Variants in PDE3B observed in about 807,000 individuals in gnomAD.
PDE3B encodes phosphodiesterase 3B, also known as cGMP-inhibited 3',5'-cyclic phosphodiesterase 3B.
PDE3B carries 66 observed loss-of-function variants against 116.8 expected under a neutral mutation model. The observed-to-expected ratio is 0.56, with a 90% CI of 0.46 to 0.69. The LOEUF (loss-of-function observed/expected upper bound fraction) is 0.69. Among genes scored for constraint, PDE3B ranks in the 30% least tolerant of loss-of-function variants. PDE3B has a pLI of 0.00. For synonymous variants in PDE3B, 595 were observed against 533.6 expected (o/e 1.12, Z -1.59); for missense variants, 1,384 against 1,368.1 (o/e 1.01, Z -0.18).
intron 10 of PDE3B, among the ~76,000 whole-genome samples, chr11:14,834,239 A>G (rs1419040779): frequency 6.6e-6 from 1 of 152,214 alleles, no homozygotes; most frequent in African/African-American, 2.4e-5. Flanking sequence ...TTAAATTTTT[A>G]TTGGATATCG....
At chr11:14,841,227 C>T (rs1362860820) in intron 11 of PDE3B, among the ~76,000 whole-genome samples, 1 of 151,732 alleles carries the variant, frequency 6.6e-6, no homozygotes, top group Non-Finnish European at 1.5e-5. Flanking sequence ...GGAATATCAG[C>T]TCTTCCTTGG....
At chr11:14,861,401 G>C (rs782359845) in intron 14 of PDE3B, 35 bp downstream of exon 14, 2 of 1,590,992 alleles carry the variant, frequency 1.3e-6, no homozygotes, top group Non-Finnish European at 8.6e-7. Flanking sequence ...GGATTTTTAA[G>C]AGCTGTCATG....
intron 1 of PDE3B, among the ~76,000 whole-genome samples, chr11:14,768,849 C>T (rs565829340): frequency 6.6e-5 from 10 of 151,546 alleles, no homozygotes; most frequent in Non-Finnish European, 1.0e-4. Context: ...TTATGGACCA[C>T]ACTTTGAATA....
chr11:14,721,545 C>A (rs1856082337), intron 1 of PDE3B, among the ~76,000 whole-genome samples: 1 of 151,388 alleles, frequency 6.6e-6, no homozygotes, highest in Admixed American at 6.6e-5. Flanking sequence ...CAATGATAGA[C>A]TGGATGAAGA....
At position 14,866,544 on chromosome 11, in the gene PDE3B, A is replaced by G. The variant is rs191239604; in HGVS notation, c.2887-962A>G. 1.5e-3 allele frequency among the ~76,000 whole-genome samples: 225 copies of G among 152,310 alleles called. 4 individuals are homozygous for G. Among genetic ancestry groups the G allele is most frequent in the Non-Finnish European group, 4.6e-4 (31 of 68,018 alleles). ...GATAAACCCAACTGTTTTTGGAAAAATATCAATTGTTTTCTTCCTCATAGA... is the reference window on the plus strand; with the variant it reads ...GATAAACCCAACTGTTTTTGGAAAAGTATCAATTGTTTTCTTCCTCATAGA... On this transcript the variant is annotated intron_variant, in intron 14 of 15. Coordinates refer to ENST00000282096, the MANE Select transcript of PDE3B (RefSeq NM_000922.4).
At chr11:14,762,154 CTT>C (rs750202417) in intron 1 of PDE3B, among the ~76,000 whole-genome samples, 2 of 143,738 alleles carry the variant, frequency 1.4e-5, no homozygotes, top group Non-Finnish European at 1.5e-5. Context: ...GGATTTTATA[CTT>C]TTTTTTTTTT....
chr11:14,839,897 A>G (rs1203460543), intron 11 of PDE3B, among the ~76,000 whole-genome samples: 2 of 152,220 alleles, frequency 1.3e-5, no homozygotes, highest in Non-Finnish European at 2.9e-5. Flanking sequence ...GATCTGTCAT[A>G]TCATTGAAGT....
chr11:14,784,136 G>A (rs1858122346), intron 2 of PDE3B, among the ~76,000 whole-genome samples: 1 of 152,172 alleles, frequency 6.6e-6, no homozygotes, highest in Admixed American at 6.5e-5. Flanking sequence ...CCCCTACCCA[G>A]TCTGTGGAAA....
At position 14,643,817 on chromosome 11, in the gene PDE3B, G is replaced by GCCTCTCCAGT. The variant is rs1279565527; in HGVS notation, c.-257_-256insTCTCCAGTCC. The GCCTCTCCAGT allele has an allele frequency of 9.1e-6, 4 of 440,878 alleles. No individual in the cohort carries two copies. The highest frequency in any genetic ancestry group is 3.9e-6 in the Non-Finnish European group (1 of 254,420). The allele number at this position is 440,878 out of a possible 1,614,324, so 27.3% of individuals were successfully genotyped here. A position where few individuals can be genotyped will look rare whatever the true frequency, so the allele number is the denominator to read the frequency against. The stretch of plus-strand genomic sequence containing the variant: ...CACTGAGTCTCCAGTCCCGAGAGGT[G>GCCTCTCCAGT]CCCGAGGGAAAAGGAGGCGGCAGCT... On this transcript the variant is annotated 5_prime_UTR_variant, in exon 1 of 16. Coordinates refer to ENST00000282096, the MANE Select transcript of PDE3B (RefSeq NM_000922.4).
rs1297639321 is a variant in PDE3B at position 14,749,932 on chromosome 11, A to C, written c.979-22005A>C. ...TATATATGTATCTTTGTGGAAGCTG[A>C]GAAGTCCCAAGATCTGCATTTAGCA... On this transcript the variant is annotated intron_variant, in intron 1 of 15. Transcript: ENST00000282096. Among the ~76,000 whole-genome samples, 7 of 143,824 alleles carry C rather than the reference A, an allele frequency of 4.9e-5. 1 individual carries two copies. Among genetic ancestry groups the C allele is most frequent in the Non-Finnish European group, 7.6e-5 (5 of 65,794 alleles). 94.4% of individuals were successfully genotyped at this position (143,824 alleles called of 152,430 possible). A position where few individuals can be genotyped will look rare whatever the true frequency, so the allele number is the denominator to read the frequency against.
chr11:14,832,749 G>C lies in PDE3B; in HGVS notation c.2122G>C (p.Gly708Arg). 6.8e-7 allele frequency: 1 copy of C among 1,461,314 alleles called. No individual in the cohort carries two copies. Among genetic ancestry groups the C allele is most frequent in the Non-Finnish European group, 9.5e-7 (1 of 1,053,432 alleles). 90.5% of individuals were successfully genotyped at this position (1,461,314 alleles called of 1,614,324 possible). A position where few individuals can be genotyped will look rare whatever the true frequency, so the allele number is the denominator to read the frequency against. Reference protein sequence around the residue: ...QVMYTLFQDTGLLEIFKIPTQ... With the variant: ...QVMYTLFQDTRLLEIFKIPTQ... ...TATGTATACCTTATTTCAAGACACT[G>C]GTTTATTGGAAATATTTAAAATTCC... The change falls in exon 10 of 16, where the codon GGT (glycine) becomes CGT (arginine). Residue 708 changes from glycine to arginine, a missense_variant. Physicochemically the swap from Gly to Arg is moderately radical, Grantham distance 125 (BLOSUM62 -2). Transcript: ENST00000282096.
At chr11:14,828,870 T>C (rs1470603639) in intron 7 of PDE3B, among the ~76,000 whole-genome samples, 2 of 152,240 alleles carry the variant, frequency 1.3e-5, no homozygotes, top group Non-Finnish European at 2.9e-5. Context: ...TGTATGTTTA[T>C]TGCAGCACTA....
intron 1 of PDE3B, among the ~76,000 whole-genome samples, chr11:14,683,592 A>G (rs888293647): frequency 6.6e-6 from 1 of 151,882 alleles, no homozygotes; most frequent in African/African-American, 2.4e-5. Context: ...TTTGAGGTTT[A>G]TAAATTTTTA....
chr11:14,654,046 G>T (rs1853639446), intron 1 of PDE3B, among the ~76,000 whole-genome samples: 1 of 151,898 alleles, frequency 6.6e-6, no homozygotes, highest in Non-Finnish European at 1.5e-5. Flanking sequence ...AAGTTATATA[G>T]GTCAGAAGAG....
intron 5 of PDE3B, among the ~76,000 whole-genome samples, chr11:14,809,986 T>C (rs1859072753): frequency 6.6e-6 from 1 of 152,128 alleles, no homozygotes. Flanking sequence ...TTTATAATTA[T>C]CTGGTAGAAG....
chr11:14,677,061 AC>A (rs1022727263), intron 1 of PDE3B, among the ~76,000 whole-genome samples: 71 of 152,270 alleles, frequency 4.7e-4, no homozygotes, highest in African/African-American at 1.7e-3. Flanking sequence ...AAAAGACTTG[AC>A]ACCCTTGTCT....
chr11:14,828,583 C>T (rs190671755), intron 7 of PDE3B, among the ~76,000 whole-genome samples: 3 of 152,174 alleles, frequency 2.0e-5, no homozygotes, highest in East Asian at 1.9e-4. Flanking sequence ...TGATCATTAG[C>T]GAAATGCAAG....
chr11:14,651,855 T>C (rs1253730271), intron 1 of PDE3B, among the ~76,000 whole-genome samples: 1 of 152,230 alleles, frequency 6.6e-6, no homozygotes, highest in Non-Finnish European at 1.5e-5. Flanking sequence ...TTTGATTTGT[T>C]AGTTTATGCA....
chr11:14,753,981 T>G (rs1857120427), intron 1 of PDE3B, among the ~76,000 whole-genome samples: 1 of 151,872 alleles, frequency 6.6e-6, no homozygotes, highest in Non-Finnish European at 1.5e-5. Context: ...GAAGCTTGTG[T>G]TTTAAGAACT....
Sources: gnomAD v4.1 joint callset for allele counts (sites outside exome capture counted in the v4.1 genomes callset) on GRCh38, gnomAD v4.1.1 for gene constraint, MANE v1.5 for transcripts, NCBI Gene and HGNC (gene_info 2026-07-23, HGNC 2026-07-21) for gene names.